The following TTLL3 variants were observed in gnomAD, a reference collection of about 807,000 sequenced individuals.
TTLL3 encodes tubulin tyrosine ligase like 3.
A neutral mutation model predicts 75.2 loss-of-function variants in TTLL3; 63 were observed. That is an observed-to-expected ratio of 0.84 (90% CI 0.68 to 1.03). The LOEUF is 1.03. TTLL3 is among the 50% of genes least tolerant of loss of function. The probability of loss-of-function intolerance (pLI) is 0.00; values close to 1 mark genes in which losing one functional copy is unlikely to be tolerated. For synonymous variants in TTLL3, 393 were observed against 418.5 expected, an observed-to-expected ratio of 0.94 and a Z score of 0.74; for missense variants, 997 against 1,069.9, an observed-to-expected ratio of 0.93 and a Z score of 0.95.
chr3:9,824,737 CTTTTTTTTTTT>C (rs71052207), intron 8 of TTLL3, among the ~76,000 whole-genome samples: 6 of 80,684 alleles, frequency 7.4e-5, no homozygotes, highest in African/African-American at 2.6e-4. Context: ...CTTTTCTTTT[CTTTTTTTTTTT>C]TTTTTTTTTT....
At chr3:9,833,267 C>A in intron 12 of TTLL3, 22 bp downstream of exon 12, 6 of 1,612,922 alleles carry the variant, frequency 3.7e-6, no homozygotes, top group Non-Finnish European at 5.1e-6. Flanking sequence ...GGGACCCCTA[C>A]CCACAGGTCA....
At position 9,818,096 on chromosome 3, in the gene TTLL3, G is replaced by T. The variant is rs1575372716; in HGVS notation, c.559+337G>T. 5.8e-5 allele frequency: 12 copies of T among 207,988 alleles called. No homozygotes were observed. The South Asian group carries it at 1.3e-3, about 23-fold the overall frequency. The allele number at this position is 207,988 out of a possible 1,614,324, so 12.9% of individuals were successfully genotyped here. ...GTTGAATTGGGTTCCAAAAAAGGCT[G>T]CAGGCTTTGGATTTCTAAGGCAGAC... On this transcript the variant is annotated intron_variant, in intron 6 of 13. Coordinates refer to ENST00000685419, the MANE Select transcript of TTLL3 (RefSeq NM_001387446.1).
intron 7 of TTLL3, 123 bp from the exon 8 acceptor site, chr3:9,820,423 G>T: frequency 6.5e-7 from 1 of 1,532,048 alleles, no homozygotes; most frequent in Non-Finnish European, 8.8e-7. Context: ...GGGCAGTAGG[G>T]GATCTATCTA....
At position 9,829,401 on chromosome 3, in the gene TTLL3, G is replaced by A; in HGVS notation, c.1683+6G>A. On this transcript the variant is annotated splice_donor_region_variant and intron_variant, in intron 11 of 13. Transcript: ENST00000685419. ...TTGAGCTCATCTATAAGCAGGTGAG[G>A]AGGTTGGGCCCAGGCAGGACCCCAG... is the stretch of plus-strand genomic sequence containing the variant. 6.3e-7 allele frequency: 1 copy of A among 1,580,036 alleles called. No individual in the cohort carries two copies. Among genetic ancestry groups the A allele is most frequent in the Non-Finnish European group, 8.6e-7 (1 of 1,159,848 alleles).
chr3:9,816,031 C>A, intron 4 of TTLL3, 43 bp from the exon 5 acceptor site: 1 of 1,326,844 alleles, frequency 7.5e-7, no homozygotes, highest in Non-Finnish European at 1.0e-6. Flanking sequence ...GGCCCTGCTA[C>A]CCACACTGGC....
intron 7 of TTLL3, 193 bp downstream of exon 7, chr3:9,819,113 A>G: frequency 1.4e-6 from 1 of 695,754 alleles, no homozygotes; most frequent in Non-Finnish European, 2.4e-6. Context: ...CCACGTATTC[A>G]CCCACTCTCT....
At chr3:9,828,168 T>A (rs1303358747) in intron 10 of TTLL3, 6 of 149,644 alleles carry the variant, frequency 4.0e-5, no homozygotes, top group Admixed American at 3.3e-4. Context: ...AAAAAGATTA[T>A]ATTTGTCGTT....
chr3:9,811,258 C>A (rs1332375204), intron 2 of TTLL3, among the ~76,000 whole-genome samples: 1 of 151,656 alleles, frequency 6.6e-6, no homozygotes, highest in Non-Finnish European at 1.5e-5. Context: ...AGATCTAGCC[C>A]CTACCTGTCA....
chr3:9,810,344 A>G lies in TTLL3; in HGVS notation c.-92A>G. 2 of 1,433,890 alleles carry G rather than the reference A, an allele frequency of 1.4e-6. No homozygotes were observed. Among genetic ancestry groups the G allele is most frequent in the Non-Finnish European group, 1.8e-6 (2 of 1,106,692 alleles). The allele number at this position is 1,433,890 out of a possible 1,614,324, so 88.8% of individuals were successfully genotyped here. ...CACGCCCAGGGCGCCTCGGATACCC[A>G]CCCCCTCGGCCCCCCGCACACCCCG... On this transcript the variant is annotated 5_prime_UTR_variant, in exon 1 of 14. Transcript: ENST00000685419. The surrounding 1 kb of genome is among the most constrained non-coding windows in gnomAD (Gnocchi z 4.4).
At chr3:9,818,561 G>C (rs2080110655) in intron 6 of TTLL3, 1 of 878,574 alleles carries the variant, frequency 1.1e-6, no homozygotes, top group South Asian at 2.5e-5. Context: ...GTAGAGACGG[G>C]GTTTCACTGT....
At chr3:9,813,441 C>T (rs752855255) in intron 4 of TTLL3, 96 bp downstream of exon 4, 20 of 1,365,440 alleles carry the variant, frequency 1.5e-5, no homozygotes, top group Non-Finnish European at 1.9e-5. Context: ...TCCTTTCTTT[C>T]TCTGGGCCAC....
At chr3:9,814,612 C>T (rs1282996338) in intron 4 of TTLL3, among the ~76,000 whole-genome samples, 3 of 152,020 alleles carry the variant, frequency 2.0e-5, no homozygotes, top group Non-Finnish European at 4.4e-5. Context: ...CGCGCCACTG[C>T]ACTCCAGCCT....
chr3:9,834,350 C>T (rs1029970088), intron 12 of TTLL3: 2 of 534,354 alleles, frequency 3.7e-6, no homozygotes, highest in African/African-American at 1.9e-5. Context: ...ACAGTTTGCC[C>T]CATACCGCTA....
Position 9,829,078 on chromosome 3 carries a change from G to A in TTLL3, c.1366G>A (p.Glu456Lys), listed in dbSNP as rs2081305825. The A allele has an allele frequency of 3.1e-6, 5 of 1,614,242 alleles. No individual in the cohort carries two copies. The highest frequency in any genetic ancestry group is 4.2e-6 in the Non-Finnish European group (5 of 1,180,048). ...SSQRFQAHLQEMGAPNAWSTI... is the reference protein window; with the variant it reads ...SSQRFQAHLQKMGAPNAWSTI... ...CCAGAGGTTCCAGGCCCACCTGCAGGAGATGGGTGCCCCAAATGCTTGGTC... is the reference window on the plus strand; with the variant it reads ...CCAGAGGTTCCAGGCCCACCTGCAGAAGATGGGTGCCCCAAATGCTTGGTC... The change falls in exon 11 of 14, where the codon GAG becomes AAG. Residue 456 changes from glutamate (E) to lysine (K), a missense_variant. Physicochemically the swap from Glu to Lys is moderately conservative, Grantham distance 56. Coordinates refer to ENST00000685419, the MANE Select transcript of TTLL3 (RefSeq NM_001387446.1).
At chr3:9,809,772 C>G (rs2079175053), upstream of TTLL3, 4 of 371,120 alleles carry the variant, frequency 1.1e-5, no homozygotes, top group Non-Finnish European at 1.4e-5. Context: ...TGGGTGAGGC[C>G]CCAGGTCATA....
intron 12 of TTLL3, 117 bp downstream of exon 12, chr3:9,833,362 G>A (rs992640845): frequency 2.7e-6 from 4 of 1,501,680 alleles, no homozygotes; most frequent in Non-Finnish European, 3.6e-6. Flanking sequence ...CCCCGGAAAG[G>A]GGAAGAAAGG....
Position 9,813,298 on chromosome 3 carries a change from G to C in TTLL3, c.268G>C (p.Asp90His). The C allele has an allele frequency of 1.2e-6, 2 of 1,614,212 alleles. No individual in the cohort carries two copies. Among genetic ancestry groups the C allele is most frequent in the Non-Finnish European group, 8.5e-7 (1 of 1,180,044 alleles). The change falls in exon 4 of 14, where the codon GAT becomes CAT. Residue 90 changes from aspartate to histidine, a missense_variant. Coordinates refer to ENST00000685419, the MANE Select transcript of TTLL3 (RefSeq NM_001387446.1). ...EFQPSQLFDF[D>H]DLLKFDDLDG... ...CCAGCCATCACAGCTGTTCGACTTC[G>C]ATGATTTACTGAAATTTGATGACCT...
chr3:9,824,751 T>TC (rs1279726896), intron 8 of TTLL3, among the ~76,000 whole-genome samples: 2 of 143,716 alleles, frequency 1.4e-5, no homozygotes, highest in East Asian at 4.1e-4. Context: ...TTTTTTTTTT[T>TC]TTTTTTTGAG....
At chr3:9,830,741 T>C (rs1199205445) in intron 11 of TTLL3, among the ~76,000 whole-genome samples, 2 of 152,162 alleles carry the variant, frequency 1.3e-5, no homozygotes, top group Non-Finnish European at 2.9e-5. Flanking sequence ...CCCCCAGAGA[T>C]TGACCCAAAA....
Sources: gnomAD v4.1 joint callset for allele counts (sites outside exome capture counted in the v4.1 genomes callset) on GRCh38, gnomAD v4.1.1 for gene constraint, Gnocchi (gnomAD v3.1) non-coding constraint, MANE v1.5 for transcripts, NCBI Gene and HGNC (gene_info 2026-07-23, HGNC 2026-07-21) for gene names.